PGAP1: variants seen among roughly 807,000 people sequenced by gnomAD.
PGAP1 encodes GPI inositol-deacylase.
Under a neutral mutation model 127.0 loss-of-function variants are expected in PGAP1, and 76 were observed. That is an observed-to-expected ratio of 0.60 (90% CI 0.50 to 0.72). The LOEUF (loss-of-function observed/expected upper bound fraction) is 0.72. PGAP1 is among the 30% of genes least tolerant of loss of function. The pLI, the probability that PGAP1 is intolerant of heterozygous loss-of-function variation, is 0.00. For synonymous variants in PGAP1, 362 were observed against 366.5 expected, an observed-to-expected ratio of 0.99 and a Z score of 0.14; for missense variants, 982 against 1,071.3, an observed-to-expected ratio of 0.92 and a Z score of 1.16.
chr2:196,861,583 C>T (rs758971720), intron 20 of PGAP1, among the ~76,000 whole-genome samples: 3 of 152,120 alleles, frequency 2.0e-5, no homozygotes, highest in Non-Finnish European at 2.9e-5. Context: ...CGCCTGTAAT[C>T]CCAGCACTTT....
chr2:196,905,906 G>A (rs1702695697), intron 4 of PGAP1, among the ~76,000 whole-genome samples: 1 of 61,678 alleles, frequency 1.6e-5, no homozygotes, highest in Non-Finnish European at 3.4e-5. Flanking sequence ...CTTAAGAAAC[G>A]GCGCACCACG....
chr2:196,852,667 C>A (rs1700757224), intron 20 of PGAP1, among the ~76,000 whole-genome samples: 1 of 151,644 alleles, frequency 6.6e-6, no homozygotes, highest in African/African-American at 2.4e-5. Flanking sequence ...AAAATAGAAA[C>A]AAGATAGAAA....
At chr2:196,846,689 T>C (rs1700565020) in intron 22 of PGAP1, among the ~76,000 whole-genome samples, 1 of 152,192 alleles carries the variant, frequency 6.6e-6, no homozygotes, top group African/African-American at 2.4e-5. Flanking sequence ...AGTCAGCATA[T>C]AAAAGCAATA....
rs771218129 is a variant in PGAP1, at chr2:196,920,135, T to G, written c.163A>C (p.Lys55Gln). Residue 55 changes from lysine (K) to glutamine (Q), a missense_variant, in exon 2 of 27, where the codon AAG becomes CAG. Physicochemically the swap from Lys to Gln is moderately conservative, Grantham distance 53. Coordinates refer to ENST00000354764, the MANE Select transcript of PGAP1 (RefSeq NM_024989.4). The stretch of plus-strand genomic sequence containing the variant: ...GCGGGATAGCGTTTTGCCAGTTTCT[T>G]TGGAAGTTCTATTTTCTACATTTAA... ...YPEYQKIELP[K>Q]KLAKRYPAYE... The G allele has an allele frequency of 6.2e-7, 1 of 1,604,086 alleles. No homozygotes were observed. Among genetic ancestry groups the G allele is most frequent in the South Asian group, 1.1e-5 (1 of 87,974 alleles).
rs767930615 is a variant in PGAP1 at position 196,890,818 on chromosome 2, A to C, written c.1173+10T>G. ...TCTTAAATTTACATAAAATGTACCA[A>C]TTATCTTACCAGCATAGTGCTCTGA... is the stretch of plus-strand genomic sequence containing the variant. On this transcript the variant is annotated intron_variant, in intron 10 of 26. Transcript: ENST00000354764. 6.8e-7 allele frequency: 1 copy of C among 1,480,710 alleles called. No individual in the cohort carries two copies. The highest frequency in any genetic ancestry group is 1.7e-5 in the Admixed American group (1 of 57,504). The allele number at this position is 1,480,710 out of a possible 1,614,324, so 91.7% of individuals were successfully genotyped here.
chr2:196,841,586 C>T (rs901527484), intron 26 of PGAP1, among the ~76,000 whole-genome samples: 8 of 152,134 alleles, frequency 5.3e-5, no homozygotes, highest in Non-Finnish European at 1.2e-4. Context: ...GGCGCAATCT[C>T]GGCTCACTGC....
In PGAP1 at chr2:196,894,659, G is replaced by A. The variant is rs570267444; in HGVS notation, c.928-1414C>T. On this transcript the variant is annotated intron_variant, in intron 7 of 26. Coordinates refer to ENST00000354764, the MANE Select transcript of PGAP1 (RefSeq NM_024989.4). ...CTACTAAAAATACAAAAAATTAGCC[G>A]GGTATGGTGGTGGGCACCTGTGGTT... Among the ~76,000 whole-genome samples the A allele has an allele frequency of 4.6e-5, 7 of 152,168 alleles. No homozygotes were observed. The East Asian group carries it at 1.4e-3, about 29-fold the overall frequency.
rs1410872476 is a variant in PGAP1, at chr2:196,839,644, C to T, written c.*1590G>A. 1 of 152,164 alleles carries T rather than the reference C, an allele frequency of 6.6e-6. No homozygotes were observed. The highest frequency in any genetic ancestry group is 1.9e-4 in the East Asian group (1 of 5,194). The allele number at this position is 152,164 out of a possible 1,614,324, so 9.4% of individuals were successfully genotyped here. Reference sequence around the variant, plus strand: ...AACTTAAAACCCTCAGAGATGAGAGCAAGACTCCCTTCAACTGAGGCCAAA... The same window carrying T: ...AACTTAAAACCCTCAGAGATGAGAGTAAGACTCCCTTCAACTGAGGCCAAA... On this transcript the variant is annotated 3_prime_UTR_variant, in exon 27 of 27. Coordinates refer to ENST00000354764, the MANE Select transcript of PGAP1 (RefSeq NM_024989.4).
At chr2:196,914,715 T>C (rs999275052) in intron 3 of PGAP1, among the ~76,000 whole-genome samples, 10 of 151,948 alleles carry the variant, frequency 6.6e-5, no homozygotes, top group Non-Finnish European at 1.2e-4. Context: ...TCAACTTCCA[T>C]ACACTCTTAA....
intron 5 of PGAP1, among the ~76,000 whole-genome samples, chr2:196,900,711 G>T (rs897197857): frequency 9.9e-5 from 15 of 152,114 alleles, no homozygotes; most frequent in Non-Finnish European, 1.5e-4. Context: ...GAACCACGAG[G>T]TCAGGAGATC....
At chr2:196,899,383 G>C (rs1025297533) in intron 5 of PGAP1, among the ~76,000 whole-genome samples, 2 of 152,124 alleles carry the variant, frequency 1.3e-5, no homozygotes, top group Non-Finnish European at 1.5e-5. Context: ...GAAGTGGGAG[G>C]AATCTACAGC....
Position 196,880,131 on chromosome 2 carries a change from T to C in PGAP1, c.1295A>G (p.Asp432Gly), listed in dbSNP as rs1701685976. Residue 432 changes from aspartate (D) to glycine (G), a missense_variant, in exon 13 of 27, where the codon GAC becomes GGC. Transcript: ENST00000354764. Reference protein sequence around the residue: ...TIKYLTLRLQDYPSLSHLVVY... With the variant: ...TIKYLTLRLQGYPSLSHLVVY... Reference sequence around the variant, plus strand: ...AACAAGATGAGACAAAGATGGATAGTCTTGAAGTCTTAATGTCAGATACTA... The same window carrying C: ...AACAAGATGAGACAAAGATGGATAGCCTTGAAGTCTTAATGTCAGATACTA... The C allele has an allele frequency of 6.3e-7, 1 of 1,575,350 alleles. No homozygotes were observed.
At chr2:196,843,006 G>C (rs976972612) in intron 25 of PGAP1, among the ~76,000 whole-genome samples, 181 bp from the exon 26 acceptor site, 3 of 151,824 alleles carry the variant, frequency 2.0e-5, no homozygotes, top group Non-Finnish European at 4.4e-5. Flanking sequence ...TTGTATTCAA[G>C]GTTTTAGAAA....
intron 20 of PGAP1, among the ~76,000 whole-genome samples, chr2:196,850,197 A>G (rs1315085824): frequency 6.6e-6 from 1 of 152,268 alleles, no homozygotes; most frequent in Admixed American, 6.5e-5. Context: ...ACCTTGGAGT[A>G]CCAGCTGGCT....
chr2:196,900,588 T>G (rs765362578), intron 5 of PGAP1, among the ~76,000 whole-genome samples: 1 of 152,204 alleles, frequency 6.6e-6, no homozygotes, highest in Non-Finnish European at 1.5e-5. Flanking sequence ...TAAAATATCT[T>G]CATCAGAGAT....
intron 26 of PGAP1, among the ~76,000 whole-genome samples, chr2:196,841,581 A>C (rs1007285109): frequency 1.3e-5 from 2 of 152,086 alleles, no homozygotes; most frequent in Non-Finnish European, 2.9e-5. Flanking sequence ...GCAGTGGCGC[A>C]ATCTCGGCTC....
chr2:196,877,731 T>C (rs1701610737), intron 13 of PGAP1: 1 of 152,146 alleles, frequency 6.6e-6, no homozygotes, highest in Non-Finnish European at 1.5e-5. Context: ...CCTTTCTCTA[T>C]TTCTCCTACA....
intron 2 of PGAP1, among the ~76,000 whole-genome samples, chr2:196,919,210 T>G (rs919508579): frequency 2.6e-5 from 4 of 152,160 alleles, no homozygotes; most frequent in Admixed American, 2.6e-4. Flanking sequence ...CATATTTGTT[T>G]GATTGCTGTC....
chr2:196,912,083 T>TAC (rs1702841430), intron 4 of PGAP1, among the ~76,000 whole-genome samples: 5 of 152,170 alleles, frequency 3.3e-5, no homozygotes. Flanking sequence ...TAATGGTGCC[T>TAC]ACCTCATGGG....
Sources: gnomAD v4.1 joint callset for allele counts (sites outside exome capture counted in the v4.1 genomes callset) on GRCh38, gnomAD v4.1.1 for gene constraint, MANE v1.5 for transcripts, NCBI Gene and HGNC (gene_info 2026-07-23, HGNC 2026-07-21) for gene names.